The following EPB41L4A variants were observed in gnomAD, a reference collection of about 807,000 sequenced individuals.
EPB41L4A encodes the protein band 4.1-like protein 4A.
In EPB41L4A, 100 loss-of-function variants were observed where a neutral mutation model predicts 108.6. The observed-to-expected ratio is 0.92, with a 90% CI of 0.78 to 1.09. EPB41L4A has a LOEUF of 1.09. Ranked by LOEUF, EPB41L4A falls within the 50% of genes least tolerant of loss-of-function variation. The pLI is 0.00. For synonymous variants in EPB41L4A, 319 were observed against 289.0 expected (o/e 1.10, Z -1.05); for missense variants, 1,030 against 842.7 (o/e 1.22, Z -2.75).
At position 112,298,304 on chromosome 5, in the gene EPB41L4A, T is replaced by A. The variant is rs115229978; in HGVS notation, c.204+9082A>T. Among the ~76,000 whole-genome samples the A allele has an allele frequency of 7.1e-3, 1,086 of 152,212 alleles. 8 individuals carry two copies. Among genetic ancestry groups the A allele is most frequent in the African/African-American group, 0.025 (1,043 of 41,534 alleles). On this transcript the variant is annotated intron_variant, in intron 2 of 22. Transcript: ENST00000261486. ...TGCTTTCAACTTTTCCCCGTTCATA[T>A]TATGTTGGCTGTGGGTTTGTCATAG...
At chr5:112,419,760 C>T (rs1762980953), upstream of EPB41L4A, 1 of 456,662 alleles carries the variant, frequency 2.2e-6, no homozygotes, top group South Asian at 1.5e-5. Flanking sequence ...GCTCCTTACC[C>T]AGACCAGCGA....
At chr5:112,218,572 T>C (rs1747816361) in intron 12 of EPB41L4A, among the ~76,000 whole-genome samples, 1 of 152,220 alleles carries the variant, frequency 6.6e-6, no homozygotes, top group Non-Finnish European at 1.5e-5. Flanking sequence ...GATAGTTCCA[T>C]ACCTAACCTA....
At chr5:112,161,356 C>T (rs1472376663), downstream of EPB41L4A, 2 of 405,368 alleles carry the variant, frequency 4.9e-6, no homozygotes, top group African/African-American at 2.1e-5. Context: ...TTTCACTTTT[C>T]ATTATTAAGT....
At chr5:112,374,891 C>T (rs944886436) in intron 1 of EPB41L4A, among the ~76,000 whole-genome samples, 1 of 152,190 alleles carries the variant, frequency 6.6e-6, no homozygotes, top group African/African-American at 2.4e-5. Flanking sequence ...ATGTAGAAAA[C>T]TCTGAGTTTG....
At chr5:112,218,543 G>A (rs1309581512) in intron 12 of EPB41L4A, among the ~76,000 whole-genome samples, 2 of 152,182 alleles carry the variant, frequency 1.3e-5, no homozygotes, top group Non-Finnish European at 2.9e-5. Flanking sequence ...ATTTATGCTT[G>A]CTTGGTCTAG....
intron 17 of EPB41L4A, among the ~76,000 whole-genome samples, chr5:112,186,832 A>T (rs1177653906): frequency 1.3e-5 from 2 of 152,242 alleles, no homozygotes; most frequent in Non-Finnish European, 2.9e-5. Context: ...GCTACTTGGA[A>T]AGAAAAAAAT....
chr5:112,210,491 A>T (rs1445416924), intron 12 of EPB41L4A, among the ~76,000 whole-genome samples: 3 of 152,026 alleles, frequency 2.0e-5, no homozygotes, highest in Admixed American at 1.3e-4. Context: ...ACTCACATAT[A>T]AAAAAAAGAC....
chr5:112,288,700 G>A (rs1753444529), intron 2 of EPB41L4A, among the ~76,000 whole-genome samples: 1 of 152,206 alleles, frequency 6.6e-6, no homozygotes, highest in Non-Finnish European at 1.5e-5. Context: ...ACCACTGTAT[G>A]TTTGGGGCGG....
At chr5:112,245,790 C>A (rs903453131) in intron 9 of EPB41L4A, among the ~76,000 whole-genome samples, 6 of 152,062 alleles carry the variant, frequency 3.9e-5, no homozygotes, top group African/African-American at 1.2e-4. Flanking sequence ...AGGGAGAGTG[C>A]GCAGAATGGA....
At chr5:112,267,273 G>C (rs1247642359) in intron 4 of EPB41L4A, among the ~76,000 whole-genome samples, 1 of 151,888 alleles carries the variant, frequency 6.6e-6, no homozygotes, top group Non-Finnish European at 1.5e-5. Context: ...TTTGTAAGGT[G>C]ACTCGATGTC....
intron 1 of EPB41L4A, among the ~76,000 whole-genome samples, chr5:112,318,441 G>T (rs957937218): frequency 6.6e-6 from 1 of 152,142 alleles, no homozygotes; most frequent in African/African-American, 2.4e-5. Flanking sequence ...TACTCTGCTG[G>T]AGAAACCATG....
intron 4 of EPB41L4A, among the ~76,000 whole-genome samples, chr5:112,269,327 G>A (rs1752095683): frequency 6.6e-6 from 1 of 151,578 alleles, no homozygotes; most frequent in African/African-American, 2.4e-5. Context: ...TTTTATTATA[G>A]CAAGCATCTT....
intron 12 of EPB41L4A, among the ~76,000 whole-genome samples, chr5:112,232,960 A>G (rs1749061041): frequency 6.6e-6 from 1 of 152,226 alleles, no homozygotes; most frequent in African/African-American, 2.4e-5. Flanking sequence ...ATTACTTCAC[A>G]GTAAAATTCT....
At chr5:112,277,155 G>A (rs1752674829) in intron 3 of EPB41L4A, among the ~76,000 whole-genome samples, 1 of 152,144 alleles carries the variant, frequency 6.6e-6, no homozygotes, top group African/African-American at 2.4e-5. Context: ...GAGCAGATGG[G>A]TCTGCCTGTG....
intron 1 of EPB41L4A, among the ~76,000 whole-genome samples, chr5:112,333,022 C>T (rs905635955): frequency 2.0e-5 from 3 of 152,282 alleles, no homozygotes; most frequent in South Asian, 2.1e-4. Context: ...GCATAAATTG[C>T]ATTTAAGATA....
intron 1 of EPB41L4A, among the ~76,000 whole-genome samples, chr5:112,351,188 A>G (rs1758020900): frequency 6.6e-6 from 1 of 152,242 alleles, no homozygotes. Flanking sequence ...CAATAAAATG[A>G]GAAGTTGGTT....
At chr5:112,405,676 C>T (rs1048690097) in intron 1 of EPB41L4A, among the ~76,000 whole-genome samples, 4 of 152,192 alleles carry the variant, frequency 2.6e-5, no homozygotes, top group Non-Finnish European at 5.9e-5. Flanking sequence ...AGATAAGGCA[C>T]AGTTCAACCT....
intron 11 of EPB41L4A, 42 bp from the exon 12 acceptor site, chr5:112,234,797 C>T: frequency 6.3e-7 from 1 of 1,581,864 alleles, no homozygotes; most frequent in South Asian, 1.1e-5. Flanking sequence ...TAAAACCACA[C>T]AGCCACAAAA....
intron 9 of EPB41L4A, among the ~76,000 whole-genome samples, chr5:112,254,791 CTGTCTCTTTCTT>C (rs1750952997): frequency 6.6e-6 from 1 of 152,042 alleles, no homozygotes; most frequent in East Asian, 1.9e-4. Context: ...ACCCCCTCGC[CTGTCTCTTTCTT>C]CATCACTACT....
Sources: allele counts gnomAD v4.1 joint callset (sites outside exome capture counted in the v4.1 genomes callset), GRCh38; gene constraint gnomAD v4.1.1; transcripts MANE v1.5; gene names NCBI Gene and HGNC (gene_info 2026-07-23, HGNC 2026-07-21).